EFCAB5: variants seen among roughly 807,000 people sequenced by gnomAD.
EFCAB5 encodes EF-hand calcium-binding domain-containing protein 5.
A neutral mutation model predicts 167.9 loss-of-function variants in EFCAB5; 131 were observed. That is an observed-to-expected ratio of 0.78 (90% CI 0.68 to 0.90). The LOEUF (loss-of-function observed/expected upper bound fraction) is 0.90. Ranked by LOEUF, EFCAB5 falls within the 40% of genes least tolerant of loss-of-function variation. The pLI, the probability that EFCAB5 is intolerant of heterozygous loss-of-function variation, is 0.00. For missense variants in EFCAB5, 1,663 were observed against 1,745.2 expected (o/e 0.95, Z 0.84); for synonymous variants, 574 against 602.8 (o/e 0.95, Z 0.70).
chr17:29,998,387 A>G (rs1311819744), intron 6 of EFCAB5, among the ~76,000 whole-genome samples: 1 of 152,174 alleles, frequency 6.6e-6, no homozygotes, highest in East Asian at 1.9e-4. Context: ...CCTATACTAC[A>G]GTATTTATTT....
At chr17:30,076,463 G>T (rs563832158) in intron 14 of EFCAB5, among the ~76,000 whole-genome samples, 1 of 152,332 alleles carries the variant, frequency 6.6e-6, no homozygotes, top group Admixed American at 6.5e-5. Flanking sequence ...CTAAGAGAAA[G>T]GTGAGTGGGT....
At chr17:30,092,809 C>A in intron 21 of EFCAB5, 31 bp from the exon 22 acceptor site, 1 of 1,509,916 alleles carries the variant, frequency 6.6e-7, no homozygotes, top group Non-Finnish European at 9.1e-7. Context: ...CCTGGTGATC[C>A]CATAAATTTT....
At chr17:30,043,916 A>G (rs2069845087) in intron 8 of EFCAB5, among the ~76,000 whole-genome samples, 1 of 152,232 alleles carries the variant, frequency 6.6e-6, no homozygotes, top group Admixed American at 6.5e-5. Flanking sequence ...CACAACAGCC[A>G]AAACCATGTT....
chr17:30,101,941 A>T (rs2071388037), intron 22 of EFCAB5, among the ~76,000 whole-genome samples: 2 of 152,202 alleles, frequency 1.3e-5, no homozygotes, highest in South Asian at 4.1e-4. Context: ...GAACAGCCCA[A>T]GTTTTTGCTT....
intron 14 of EFCAB5, among the ~76,000 whole-genome samples, chr17:30,075,021 T>C (rs2070840811): frequency 6.6e-6 from 1 of 152,162 alleles, no homozygotes; most frequent in African/African-American, 2.4e-5. Context: ...CTACTAATAT[T>C]AAAAACCATG....
chr17:30,037,165 A>G (rs2069649922), intron 8 of EFCAB5, among the ~76,000 whole-genome samples: 1 of 152,202 alleles, frequency 6.6e-6, no homozygotes, highest in Admixed American at 6.5e-5. Context: ...AAAGAGTAGC[A>G]GCTATAGAAG....
At chr17:29,983,285 G>A (rs2068215147) in intron 4 of EFCAB5, among the ~76,000 whole-genome samples, 1 of 152,240 alleles carries the variant, frequency 6.6e-6, no homozygotes, top group Non-Finnish European at 1.5e-5. Context: ...CAGCAGGCGA[G>A]CCCATGCTCA....
intron 22 of EFCAB5, among the ~76,000 whole-genome samples, chr17:30,105,704 AT>A (rs2071440762): frequency 6.6e-6 from 1 of 152,208 alleles, no homozygotes; most frequent in Admixed American, 6.5e-5. Context: ...TCTGGAAAGA[AT>A]TTTAGTATTT....
chr17:30,052,330 T>C (rs2070125520), intron 9 of EFCAB5, among the ~76,000 whole-genome samples: 1 of 152,040 alleles, frequency 6.6e-6, no homozygotes, highest in African/African-American at 2.4e-5. Context: ...CACACCCAGC[T>C]ATTTTTTTGT....
intron 8 of EFCAB5, 76 bp from the exon 9 acceptor site, chr17:30,051,042 A>T: frequency 8.1e-7 from 1 of 1,231,962 alleles, no homozygotes; most frequent in Non-Finnish European, 1.2e-6. Flanking sequence ...TAAAAGCTTC[A>T]ATAAGCCACG....
At chr17:30,037,344 G>A (rs554282116) in intron 8 of EFCAB5, among the ~76,000 whole-genome samples, 1 of 152,234 alleles carries the variant, frequency 6.6e-6, no homozygotes, top group African/African-American at 2.4e-5. Context: ...TTAGGACAAG[G>A]ATAACTATGG....
chr17:30,045,797 C>G (rs1171958605), intron 8 of EFCAB5, among the ~76,000 whole-genome samples: 1 of 151,532 alleles, frequency 6.6e-6, no homozygotes, highest in Non-Finnish European at 1.5e-5. Context: ...GCTAGGAGTT[C>G]AAGACCTGCC....
At chr17:29,987,026 T>C (rs1385505710) in intron 4 of EFCAB5, among the ~76,000 whole-genome samples, 4 of 152,326 alleles carry the variant, frequency 2.6e-5, no homozygotes, top group Non-Finnish European at 5.9e-5. Flanking sequence ...CAGGCATTAT[T>C]GCCAGCCAAG....
At chr17:30,097,089 T>G (rs1338530123) in intron 22 of EFCAB5, among the ~76,000 whole-genome samples, 1 of 149,164 alleles carries the variant, frequency 6.7e-6, no homozygotes, top group Non-Finnish European at 1.5e-5. Flanking sequence ...GGAGTTTCGC[T>G]CTTGTTGCCC....
intron 3 of EFCAB5, among the ~76,000 whole-genome samples, chr17:29,952,171 C>T (rs1366961550): frequency 1.3e-5 from 2 of 152,102 alleles, no homozygotes; most frequent in African/African-American, 2.4e-5. Flanking sequence ...CCTCACATGG[C>T]AGAATAGATG....
chr17:29,931,450 A>G (rs893634119), intron 1 of EFCAB5, among the ~76,000 whole-genome samples: 1 of 152,208 alleles, frequency 6.6e-6, no homozygotes, highest in African/African-American at 2.4e-5. Flanking sequence ...GGGAGGTTCC[A>G]TCAAGAATCA....
intron 8 of EFCAB5, among the ~76,000 whole-genome samples, chr17:30,044,646 A>T (rs554467659): frequency 2.0e-5 from 3 of 152,196 alleles, no homozygotes; most frequent in Non-Finnish European, 2.9e-5. Flanking sequence ...AAGTGTTGGG[A>T]AAGATGTGGA....
chr17:30,012,424 A>C (rs1395745007), intron 7 of EFCAB5, among the ~76,000 whole-genome samples: 2 of 152,136 alleles, frequency 1.3e-5, no homozygotes, highest in Non-Finnish European at 2.9e-5. Flanking sequence ...CAAATTAGTG[A>C]AAGTACTAAA....
chr17:30,082,574 A>G (rs1360163153), intron 17 of EFCAB5, among the ~76,000 whole-genome samples: 3 of 151,888 alleles, frequency 2.0e-5, no homozygotes, highest in Non-Finnish European at 1.5e-5. Context: ...TATTTTTAGT[A>G]GAGACAGGGT....
Sources: gnomAD v4.1 joint callset for allele counts (sites outside exome capture counted in the v4.1 genomes callset) on GRCh38, gnomAD v4.1.1 for gene constraint, MANE v1.5 for transcripts, NCBI Gene and HGNC (gene_info 2026-07-23, HGNC 2026-07-21) for gene names.